ERC1: variants seen among roughly 807,000 people sequenced by gnomAD.
The protein encoded by ERC1 is ELKS/RAB6-interacting/CAST family member 1.
In ERC1, 56 loss-of-function variants were observed where a neutral mutation model predicts 132.0. The observed-to-expected ratio is 0.42, with a 90% CI of 0.34 to 0.53. The LOEUF (loss-of-function observed/expected upper bound fraction) is 0.53, where lower values mean the gene tolerates loss of function less well. Ranked by LOEUF, ERC1 falls within the 20% of genes least tolerant of loss-of-function variation. The pLI, the probability that ERC1 is intolerant of heterozygous loss-of-function variation, is 0.03. For missense variants in ERC1, 1,202 were observed against 1,349.9 expected, an observed-to-expected ratio of 0.89 and a Z score of 1.72; for synonymous variants, 478 against 476.1, an observed-to-expected ratio of 1.00 and a Z score of -0.05.
At chr12:1,172,395 G>C (rs1953165168) in intron 8 of ERC1, among the ~76,000 whole-genome samples, 1 of 152,170 alleles carries the variant, frequency 6.6e-6, no homozygotes, top group South Asian at 2.1e-4. Flanking sequence ...TCGTGCTCAG[G>C]AGTTCAAGGA....
rs561293865 is a variant in ERC1 at position 1,091,526 on chromosome 12, G to C, written c.1086+7946G>C. On this transcript the variant is annotated intron_variant, in intron 3 of 18. Transcript: ENST00000360905. Reference sequence around the variant, plus strand: ...AGACTTAATGAGATGCGAAATTGGAGAGGTGGCCAGAGTCAGATTCACTTA... The same window carrying C: ...AGACTTAATGAGATGCGAAATTGGACAGGTGGCCAGAGTCAGATTCACTTA... Among the ~76,000 whole-genome samples the C allele has an allele frequency of 2.7e-3, 413 of 152,318 alleles. 2 individuals carry two copies. Among genetic ancestry groups the C allele is most frequent in the Middle Eastern group, 0.01 (3 of 294 alleles).
chr12:1,472,665 AG>A (rs1384871387), intron 18 of ERC1, among the ~76,000 whole-genome samples: 1 of 148,412 alleles, frequency 6.7e-6, no homozygotes, highest in East Asian at 1.9e-4. Flanking sequence ...AAAAAAAAAA[AG>A]AGAAGAGAAA....
chr12:1,183,391 G>C lies in ERC1; in HGVS notation c.2127G>C (p.Glu709Asp). The C allele has an allele frequency of 6.3e-7, 1 of 1,583,408 alleles. No homozygotes were observed. Among genetic ancestry groups the C allele is most frequent in the Non-Finnish European group, 8.6e-7 (1 of 1,160,754 alleles). The change falls in exon 11 of 19, where the codon GAG becomes GAC. Residue 709 changes from glutamate to aspartate, a missense_variant. Glu to Asp is a conservative substitution (Grantham distance 45, BLOSUM62 2). Coordinates refer to ENST00000360905, the MANE Select transcript of ERC1 (RefSeq NM_178040.4). ...LEIALEQKKE[E>D]CLKMESQLKK... is the part of the protein sequence containing the mutation. ...TTGCTTTGGAGCAGAAGAAGGAGGA[G>C]TGTCTGAAAATGGAATCACAATTGA...
intron 15 of ERC1, among the ~76,000 whole-genome samples, chr12:1,306,302 C>G (rs77571121): frequency 0.031 from 4,714 of 152,232 alleles, 109 homozygotes; most frequent in Middle Eastern, 0.058. Flanking sequence ...GAACTTACTG[C>G]TGGGAAGTAG....
intron 3 of ERC1, among the ~76,000 whole-genome samples, chr12:1,091,414 G>T (rs77505000): frequency 0.031 from 4,793 of 152,230 alleles, 236 homozygotes; most frequent in African/African-American, 0.11. Flanking sequence ...TCATGAAGAA[G>T]CATTAACAGT....
chr12:1,369,582 T>G (rs547821518), intron 15 of ERC1, among the ~76,000 whole-genome samples: 14 of 152,186 alleles, frequency 9.2e-5, no homozygotes, highest in Non-Finnish European at 2.1e-4. Context: ...GCTTGGTCAG[T>G]CTTTGAGCTT....
intron 1 of ERC1, chr12:1,027,300 G>A (rs1343815275): frequency 2.0e-5 from 3 of 152,144 alleles, no homozygotes; most frequent in African/African-American, 7.2e-5. Flanking sequence ...TGATTATCTT[G>A]GGTTTTCAGT....
chr12:1,399,644 A>G (rs955529718), intron 16 of ERC1, among the ~76,000 whole-genome samples: 5 of 152,322 alleles, frequency 3.3e-5, no homozygotes, highest in Admixed American at 1.3e-4. Flanking sequence ...ATAATATACT[A>G]TGTTGCCTTT....
intron 16 of ERC1, among the ~76,000 whole-genome samples, chr12:1,404,036 C>A (rs894235775): frequency 2.6e-5 from 4 of 152,172 alleles, no homozygotes; most frequent in African/African-American, 9.7e-5. Context: ...TAGCCTACAT[C>A]TTTTCAAGAT....
At chr12:1,296,514 G>A (rs1163217325) in intron 15 of ERC1, among the ~76,000 whole-genome samples, 1 of 147,506 alleles carries the variant, frequency 6.8e-6, no homozygotes, top group Non-Finnish European at 1.5e-5. Flanking sequence ...CCTGGGTTCA[G>A]GCGATCCTCC....
At chr12:1,095,317 C>T (rs763602011) in intron 3 of ERC1, among the ~76,000 whole-genome samples, 1 of 147,490 alleles carries the variant, frequency 6.8e-6, no homozygotes, top group Non-Finnish European at 1.5e-5. Flanking sequence ...GCGGTCCTAG[C>T]TATTTGGGAG....
chr12:1,119,876 C>T (rs1472048943), intron 7 of ERC1, among the ~76,000 whole-genome samples: 1 of 152,042 alleles, frequency 6.6e-6, no homozygotes, highest in African/African-American at 2.4e-5. Context: ...CTTTAAGCCT[C>T]CATTTCCTCA....
Position 1,064,683 on chromosome 12 carries a change from G to A in ERC1, c.670-18481G>A, listed in dbSNP as rs1401349895. Among the ~76,000 whole-genome samples the A allele has an allele frequency of 3.3e-5, 5 of 152,286 alleles. No homozygotes were observed. The South Asian group carries it at 6.2e-4, about 19-fold the overall frequency. ...ATTGGGATTGCAGGAGTTAGCCACC[G>A]TGTTCAGTGTAGAATTCTGTTTTTA... is the stretch of plus-strand genomic sequence containing the variant. On this transcript the variant is annotated intron_variant, in intron 2 of 18. Coordinates refer to ENST00000360905, the MANE Select transcript of ERC1 (RefSeq NM_178040.4).
intron 2 of ERC1, among the ~76,000 whole-genome samples, chr12:1,056,473 T>TGCAAGGGGTTTTATAGATAA (rs1972990065): frequency 6.6e-6 from 1 of 152,070 alleles, no homozygotes; most frequent in African/African-American, 2.4e-5. Context: ...TGCGGTGGAA[T>TGCAAGGGGTTTTATAGATAA]GCAAGGGGTT....
rs35510985 is a variant in ERC1 at position 1,154,354 on chromosome 12, T to TACACACACAC, written c.1737+12586_1737+12595dup. Among the ~76,000 whole-genome samples the TACACACACAC allele has an allele frequency of 8.5e-3, 1,233 of 145,836 alleles. 25 individuals carry two copies. The highest frequency in any genetic ancestry group is 0.029 in the African/African-American group (1,151 of 39,200). ...ATACACACATACCCATGTGTGTTTA[T>TACACACACAC]ACACACACACACACACACACACACA... is the stretch of plus-strand genomic sequence containing the variant. On this transcript the variant is annotated intron_variant, in intron 8 of 18. Coordinates refer to ENST00000360905, the MANE Select transcript of ERC1 (RefSeq NM_178040.4).
At chr12:1,015,196 A>G (rs888320491) in intron 1 of ERC1, among the ~76,000 whole-genome samples, 1 of 151,714 alleles carries the variant, frequency 6.6e-6, no homozygotes, top group African/African-American at 2.4e-5. Context: ...AGTAACTGGT[A>G]CTACAGGCAC....
intron 17 of ERC1, among the ~76,000 whole-genome samples, chr12:1,426,874 C>T (rs905510934): frequency 1.1e-4 from 16 of 151,918 alleles, no homozygotes; most frequent in African/African-American, 2.9e-4. Flanking sequence ...CCACCTTTTT[C>T]GTAAAAACCA....
At chr12:1,468,290 C>CA (rs1440048091) in intron 18 of ERC1, among the ~76,000 whole-genome samples, 2 of 152,024 alleles carry the variant, frequency 1.3e-5, no homozygotes, top group Non-Finnish European at 2.9e-5. Context: ...TTCACGAAAG[C>CA]AAAAAACTCC....
At chr12:1,120,786 T>C (rs1029967317) in intron 7 of ERC1, among the ~76,000 whole-genome samples, 2 of 152,300 alleles carry the variant, frequency 1.3e-5, no homozygotes, top group African/African-American at 4.8e-5. Context: ...ATCTTAGTAA[T>C]AGTAAGAGGA....
Sources: gnomAD v4.1 joint callset for allele counts (sites outside exome capture counted in the v4.1 genomes callset) on GRCh38, gnomAD v4.1.1 for gene constraint, MANE v1.5 for transcripts, NCBI Gene and HGNC (gene_info 2026-07-23, HGNC 2026-07-21) for gene names.